Variants in AGMO observed in about 807,000 individuals in gnomAD.
The protein encoded by AGMO is glyceryl-ether monooxygenase.
AGMO carries 75 observed loss-of-function variants against 60.2 expected under a neutral mutation model. That is an observed-to-expected ratio of 1.25 (90% CI 1.03 to 1.51). The LOEUF is 1.51. AGMO is among the 40% of genes most tolerant of loss of function. The pLI, the probability that AGMO is intolerant of heterozygous loss-of-function variation, is 0.00. For missense variants in AGMO, 763 were observed against 525.5 expected (o/e 1.45, Z -4.42); for synonymous variants, 261 against 177.1 (o/e 1.47, Z -3.76).
chr7:15,507,727 T>C (rs1043084399), intron 3 of AGMO, among the ~76,000 whole-genome samples: 6 of 152,128 alleles, frequency 3.9e-5, no homozygotes, highest in Non-Finnish European at 8.8e-5. Context: ...TAAGAAATGT[T>C]TTTTAAACAT....
chr7:15,138,636 G>T, the AGMO span, among the ~76,000 whole-genome samples: 5 of 152,278 alleles, frequency 3.3e-5, no homozygotes, highest in South Asian at 1.0e-3. Flanking sequence ...CAATTAAGCT[G>T]AGAGAAGCAG....
At chr7:15,434,095 C>T (rs1781331180) in intron 3 of AGMO, among the ~76,000 whole-genome samples, 1 of 152,044 alleles carries the variant, frequency 6.6e-6, no homozygotes, top group South Asian at 2.1e-4. Context: ...AGAGTTCCCC[C>T]ACCTCCTTTT....
intron 12 of AGMO, among the ~76,000 whole-genome samples, chr7:15,322,764 C>T (rs1286581143): frequency 9.2e-6 from 1 of 108,524 alleles, no homozygotes; most frequent in African/African-American, 3.8e-5. Context: ...ATATATATAT[C>T]ACAAAATTAT....
At chr7:15,213,764 A>T (rs1370428396) in intron 12 of AGMO, among the ~76,000 whole-genome samples, 1 of 151,970 alleles carries the variant, frequency 6.6e-6, no homozygotes, top group African/African-American at 2.4e-5. Context: ...ACAAAAGTAT[A>T]TCCTAATAAC....
chr7:15,559,631 G>T (rs187038422), intron 2 of AGMO, among the ~76,000 whole-genome samples: 84 of 152,116 alleles, frequency 5.5e-4, no homozygotes, highest in African/African-American at 2.0e-3. Flanking sequence ...TTCAAGACAG[G>T]GATTTTTACC....
At chr7:15,457,320 T>C (rs1379507737) in intron 3 of AGMO, among the ~76,000 whole-genome samples, 2 of 152,154 alleles carry the variant, frequency 1.3e-5, no homozygotes, top group Non-Finnish European at 2.9e-5. Flanking sequence ...ACAATAACAA[T>C]GATTCAAAGC....
At chr7:15,285,159 A>G (rs1434454053) in intron 12 of AGMO, among the ~76,000 whole-genome samples, 1 of 152,010 alleles carries the variant, frequency 6.6e-6, no homozygotes, top group African/African-American at 2.4e-5. Flanking sequence ...TTCCCCCGAG[A>G]ACTAAAACAA....
At chr7:15,173,241 T>C in the AGMO span, among the ~76,000 whole-genome samples, 2 of 152,110 alleles carry the variant, frequency 1.3e-5, no homozygotes, top group Non-Finnish European at 2.9e-5. Flanking sequence ...TTTATTCACT[T>C]GTATCACTGC....
At chr7:15,560,462 AC>A (rs1785274928) in intron 1 of AGMO, among the ~76,000 whole-genome samples, 191 bp from the exon 2 acceptor site, 2 of 152,170 alleles carry the variant, frequency 1.3e-5, no homozygotes, top group Non-Finnish European at 1.5e-5. Flanking sequence ...CATACACTAA[AC>A]ATGTGCTCAA....
intron 12 of AGMO, among the ~76,000 whole-genome samples, chr7:15,219,207 G>A (rs903352071): frequency 6.6e-6 from 1 of 152,020 alleles, no homozygotes; most frequent in African/African-American, 2.4e-5. Context: ...TACTCTTACG[G>A]GGTTTGAATT....
At chr7:15,232,179 G>T (rs891460323) in intron 12 of AGMO, among the ~76,000 whole-genome samples, 8 of 151,936 alleles carry the variant, frequency 5.3e-5, no homozygotes, top group Non-Finnish European at 1.0e-4. Flanking sequence ...CCTTGCCTAC[G>T]CTCTACATTA....
intron 5 of AGMO, among the ~76,000 whole-genome samples, chr7:15,402,064 T>C (rs1015259151): frequency 1.3e-5 from 2 of 152,148 alleles, no homozygotes; most frequent in East Asian, 1.9e-4. Context: ...ATACATTTAT[T>C]ATCTGATATG....
At chr7:15,538,053 A>G (rs889877799) in intron 3 of AGMO, among the ~76,000 whole-genome samples, 1 of 152,128 alleles carries the variant, frequency 6.6e-6, no homozygotes, top group African/African-American at 2.4e-5. Context: ...ACTAAAAGGC[A>G]TAGGCAAGTT....
At chr7:15,223,484 T>C (rs1198429557) in intron 12 of AGMO, among the ~76,000 whole-genome samples, 1 of 151,966 alleles carries the variant, frequency 6.6e-6, no homozygotes, top group Non-Finnish European at 1.5e-5. Context: ...GGAAACTAGG[T>C]AGATGCTATA....
At chr7:15,321,309 A>G (rs572416619) in intron 12 of AGMO, among the ~76,000 whole-genome samples, 7 of 152,280 alleles carry the variant, frequency 4.6e-5, no homozygotes, top group Admixed American at 2.0e-4. Context: ...GATGTTCTAC[A>G]TTATGCATGC....
chr7:15,204,609 T>C (rs989676887), intron 12 of AGMO, among the ~76,000 whole-genome samples: 1 of 152,172 alleles, frequency 6.6e-6, no homozygotes, highest in African/African-American at 2.4e-5. Context: ...AGTTCATTCT[T>C]AGTGTCAAGC....
intron 3 of AGMO, among the ~76,000 whole-genome samples, chr7:15,506,175 C>T (rs181850023): frequency 8.3e-4 from 127 of 152,106 alleles, no homozygotes; most frequent in Admixed American, 5.4e-3. Flanking sequence ...TTGCTCAAAA[C>T]CTCCAAAGAT....
At chr7:15,432,778 C>T (rs1436873241) in intron 3 of AGMO, among the ~76,000 whole-genome samples, 1 of 151,914 alleles carries the variant, frequency 6.6e-6, no homozygotes, top group African/African-American at 2.4e-5. Context: ...ACCATAATGA[C>T]CTCTAAAAAT....
chr7:15,418,981 CTCTT>C (rs1261721454), intron 4 of AGMO, among the ~76,000 whole-genome samples: 1 of 151,856 alleles, frequency 6.6e-6, no homozygotes, highest in East Asian at 1.9e-4. Flanking sequence ...CACAAATACT[CTCTT>C]TATGTTAAAA....
Sources: allele counts gnomAD v4.1 joint callset (sites outside exome capture counted in the v4.1 genomes callset), GRCh38; gene constraint gnomAD v4.1.1; transcripts MANE v1.5; gene names NCBI Gene and HGNC (gene_info 2026-07-23, HGNC 2026-07-21).